Variants in WWOX observed in about 807,000 individuals in gnomAD.
The protein encoded by WWOX is WW domain-containing oxidoreductase.
In WWOX, 69 loss-of-function variants were observed where a neutral mutation model predicts 46.2. The observed-to-expected ratio is 1.49, with a 90% CI of 1.23 to 1.82. WWOX has a LOEUF of 1.82. WWOX is among the 40% of genes most tolerant of loss of function. WWOX has a pLI of 0.00. For synonymous variants in WWOX, 359 were observed against 202.6 expected (o/e 1.77, Z -6.56); for missense variants, 919 against 542.6 (o/e 1.69, Z -6.89).
chr16:78,879,022 G>T lies in WWOX; in HGVS notation c.1057-332586G>T, dbSNP rs76086447. Among the ~76,000 whole-genome samples, 999 of 151,492 alleles carry T rather than the reference G, an allele frequency of 6.6e-3. 20 individuals are homozygous for T. Among genetic ancestry groups the T allele is most frequent in the Admixed American group, 0.034 (518 of 15,206 alleles). ...TTTGAGGTTGCAGTGAGCTATCATT[G>T]TGTCACTACACTTCACCCTGGATCT... On this transcript the variant is annotated intron_variant, in intron 8 of 8. Coordinates refer to ENST00000566780, the MANE Select transcript of WWOX (RefSeq NM_016373.4).
chr16:79,067,476 C>T (rs556091801), intron 8 of WWOX, among the ~76,000 whole-genome samples: 1 of 152,212 alleles, frequency 6.6e-6, no homozygotes, highest in South Asian at 2.1e-4. Context: ...CTCTTCTCGG[C>T]TCCTGTGAGG....
chr16:78,392,082 C>A (rs144318863), intron 6 of WWOX, among the ~76,000 whole-genome samples: 1 of 151,520 alleles, frequency 6.6e-6, no homozygotes, highest in African/African-American at 2.4e-5. Flanking sequence ...TCCATGACCT[C>A]TAGGCCACAA....
chr16:78,333,786 G>A (rs1188613450), intron 5 of WWOX, among the ~76,000 whole-genome samples: 2 of 152,086 alleles, frequency 1.3e-5, no homozygotes, highest in Non-Finnish European at 2.9e-5. Context: ...TGGCTTATTT[G>A]GCGTTTTGTT....
At chr16:79,185,516 G>C (rs765582859) in intron 8 of WWOX, among the ~76,000 whole-genome samples, 14 of 152,042 alleles carry the variant, frequency 9.2e-5, no homozygotes, top group African/African-American at 3.4e-4. Context: ...CCCCTGGCCA[G>C]CCAAGATCCA....
chr16:78,466,556 G>T (rs1001587355), intron 8 of WWOX, among the ~76,000 whole-genome samples: 1 of 152,144 alleles, frequency 6.6e-6, no homozygotes, highest in Non-Finnish European at 1.5e-5. Context: ...CCAGCTGCGT[G>T]CAGTGGCTCA....
chr16:78,930,033 C>G lies in WWOX; in HGVS notation c.1057-281575C>G, dbSNP rs567290634. Among the ~76,000 whole-genome samples the G allele has an allele frequency of 2.0e-5, 3 of 152,238 alleles. No homozygotes were observed. The East Asian group carries it at 5.8e-4, about 30-fold the overall frequency. On this transcript the variant is annotated intron_variant, in intron 8 of 8. Transcript: ENST00000566780. The stretch of plus-strand genomic sequence containing the variant: ...CGAATGGGGTGGCAGGGAAGTCCCA[C>G]ATGGACTTCTTGGGCGTGTCCTTAG...
intron 2 of WWOX, among the ~76,000 whole-genome samples, chr16:78,108,843 CTGGG>C (rs2032317364): frequency 6.6e-6 from 1 of 152,204 alleles, no homozygotes; most frequent in East Asian, 1.9e-4. Context: ...CAAAAATTAG[CTGGG>C]CATGGTTGCA....
chr16:79,099,899 G>C (rs1009965342), intron 8 of WWOX, among the ~76,000 whole-genome samples: 1 of 152,132 alleles, frequency 6.6e-6, no homozygotes, highest in Non-Finnish European at 1.5e-5. Context: ...GCAATAGTAG[G>C]GTTGCCTAGG....
At chr16:79,030,647 G>T (rs1324392483) in intron 8 of WWOX, among the ~76,000 whole-genome samples, 1 of 152,168 alleles carries the variant, frequency 6.6e-6, no homozygotes, top group South Asian at 2.1e-4. Flanking sequence ...CCTTTGTTTG[G>T]CTTTGAAGCA....
chr16:78,961,421 T>C (rs9933395), intron 8 of WWOX, among the ~76,000 whole-genome samples: 5,788 of 151,606 alleles, frequency 0.038, 393 homozygotes, highest in African/African-American at 0.13. Context: ...TCAGCAGATA[T>C]ATAGCTATGG....
chr16:79,144,281 G>A (rs1383940176), intron 8 of WWOX, among the ~76,000 whole-genome samples: 1 of 152,154 alleles, frequency 6.6e-6, no homozygotes, highest in African/African-American at 2.4e-5. Flanking sequence ...TGGTCAACCT[G>A]TTTAGCCTGT....
intron 8 of WWOX, among the ~76,000 whole-genome samples, chr16:78,462,516 A>G (rs1175323567): frequency 6.6e-6 from 1 of 152,182 alleles, no homozygotes; most frequent in African/African-American, 2.4e-5. Context: ...AGGTACAGTT[A>G]TCTGAGCAAA....
intron 8 of WWOX, among the ~76,000 whole-genome samples, chr16:78,788,566 G>A (rs1035321055): frequency 2.6e-5 from 4 of 152,178 alleles, no homozygotes; most frequent in Non-Finnish European, 4.4e-5. Context: ...CCTGGAGCGT[G>A]GCTGCCTAGG....
At chr16:78,948,374 A>T (rs2045989916) in intron 8 of WWOX, among the ~76,000 whole-genome samples, 1 of 152,130 alleles carries the variant, frequency 6.6e-6, no homozygotes, top group Admixed American at 6.6e-5. Context: ...TAGAGCACTC[A>T]CACCTAACAG....
rs190529998 is a variant in WWOX, at chr16:78,563,864, A to T, written c.1056+131112A>T. 6.7e-4 allele frequency among the ~76,000 whole-genome samples: 95 copies of T among 142,124 alleles called. 1 individual carries two copies. Among genetic ancestry groups the T allele is most frequent in the African/African-American group, 2.0e-3 (81 of 39,872 alleles). The allele number at this position is 142,124 out of a possible 152,430, so 93.2% of individuals were successfully genotyped here. ...TTGTAGATCTCGCCCTCCAAAGGTG[A>T]AGTTCGTTTGTCCACTCCTTGAACC... On this transcript the variant is annotated intron_variant, in intron 8 of 8. Transcript: ENST00000566780.
intron 8 of WWOX, among the ~76,000 whole-genome samples, chr16:78,931,711 T>G (rs1238627201): frequency 6.6e-6 from 1 of 152,224 alleles, no homozygotes; most frequent in African/African-American, 2.4e-5. Context: ...ATTTTCCAAC[T>G]GTTCACAGAG....
chr16:78,636,582 C>T (rs549752915), intron 8 of WWOX, among the ~76,000 whole-genome samples: 2 of 152,254 alleles, frequency 1.3e-5, no homozygotes, highest in Admixed American at 6.5e-5. Flanking sequence ...CTAGTAATGA[C>T]CCTCTTTTCT....
chr16:78,157,999 A>T (rs1051673582), intron 4 of WWOX, among the ~76,000 whole-genome samples: 1 of 152,232 alleles, frequency 6.6e-6, no homozygotes, highest in Non-Finnish European at 1.5e-5. Context: ...AGAAACGATA[A>T]CTGAGTTTCA....
intron 8 of WWOX, among the ~76,000 whole-genome samples, chr16:78,720,769 C>G (rs559756963): frequency 1.4e-4 from 21 of 152,244 alleles, no homozygotes; most frequent in African/African-American, 4.6e-4. Context: ...GGGTTATTCT[C>G]AAACTCTATT....
Sources: gnomAD v4.1 joint callset for allele counts (sites outside exome capture counted in the v4.1 genomes callset) on GRCh38, gnomAD v4.1.1 for gene constraint, MANE v1.5 for transcripts, NCBI Gene and HGNC (gene_info 2026-07-23, HGNC 2026-07-21) for gene names.